The following UGGT2 variants were observed in gnomAD, a reference collection of about 807,000 sequenced individuals.
UGGT2 encodes the protein UDP-glucose glycoprotein glucosyltransferase 2.
In UGGT2, 180 loss-of-function variants were observed where a neutral mutation model predicts 192.1. The observed-to-expected ratio is 0.94, with a 90% CI of 0.83 to 1.06. The LOEUF is 1.06. UGGT2 is among the 50% of genes least tolerant of loss of function. UGGT2 has a pLI of 0.00. For missense variants in UGGT2, 1,849 were observed against 1,795.7 expected (o/e 1.03, Z -0.54); for synonymous variants, 580 against 591.0 (o/e 0.98, Z 0.27).
intron 5 of UGGT2, among the ~76,000 whole-genome samples, chr13:96,006,714 T>C (rs1379000206): frequency 2.1e-5 from 3 of 144,426 alleles, no homozygotes; most frequent in East Asian, 4.0e-4. Flanking sequence ...GAAAATGTAG[T>C]AGAGAAAGAA....
intron 38 of UGGT2, among the ~76,000 whole-genome samples, chr13:95,808,147 C>T (rs1884411472): frequency 6.6e-6 from 1 of 152,140 alleles, no homozygotes; most frequent in Non-Finnish European, 1.5e-5. Flanking sequence ...AGGCAACATA[C>T]TTCCTGATCT....
At position 96,034,731 on chromosome 13, in the gene UGGT2, G is replaced by A. The variant is rs148776352; in HGVS notation, c.159-2760C>T. On this transcript the variant is annotated intron_variant, in intron 1 of 38. Coordinates refer to ENST00000376747, the MANE Select transcript of UGGT2 (RefSeq NM_020121.4). ...GAAGCCACCTGCAGTATGCCTGGTCGAGCCACAGTCTTGTACAAAGCTGGT... is the reference window on the plus strand; with the variant it reads ...GAAGCCACCTGCAGTATGCCTGGTCAAGCCACAGTCTTGTACAAAGCTGGT... 3.2e-3 allele frequency among the ~76,000 whole-genome samples: 488 copies of A among 152,300 alleles called. 2 individuals are homozygous for A. The highest frequency in any genetic ancestry group is 0.011 in the African/African-American group (470 of 41,558).
At chr13:95,922,864 TA>T (rs2048891196) in intron 20 of UGGT2, among the ~76,000 whole-genome samples, 1 of 151,982 alleles carries the variant, frequency 6.6e-6, no homozygotes, top group African/African-American at 2.4e-5. Flanking sequence ...CAAAAAAATT[TA>T]AAAAAAGAAA....
intron 28 of UGGT2, 141 bp from the exon 29 acceptor site, chr13:95,877,505 T>C: frequency 1.0e-6 from 1 of 971,546 alleles, no homozygotes; most frequent in Non-Finnish European, 1.5e-6. Flanking sequence ...AGTAAAGAGA[T>C]TTTACAATAA....
chr13:95,832,188 G>A (rs766345209), intron 38 of UGGT2, among the ~76,000 whole-genome samples: 11 of 151,958 alleles, frequency 7.2e-5, no homozygotes, highest in Non-Finnish European at 1.5e-4. Context: ...ATTATTGAGA[G>A]TATTAGCCAA....
intron 38 of UGGT2, among the ~76,000 whole-genome samples, chr13:95,811,366 A>G (rs1884575605): frequency 6.6e-6 from 1 of 152,216 alleles, no homozygotes; most frequent in Non-Finnish European, 1.5e-5. Flanking sequence ...TAATTATGAC[A>G]CTGGACAATC....
intron 20 of UGGT2, among the ~76,000 whole-genome samples, chr13:95,919,529 C>G (rs1244711357): frequency 1.3e-5 from 2 of 152,176 alleles, no homozygotes; most frequent in African/African-American, 4.8e-5. Context: ...TCTCAGGATA[C>G]AAAATCAATG....
At chr13:95,811,479 G>A (rs1281042548) in intron 38 of UGGT2, among the ~76,000 whole-genome samples, 5 of 152,134 alleles carry the variant, frequency 3.3e-5, no homozygotes, top group South Asian at 2.1e-4. Context: ...AAATTAGGGC[G>A]TGAGCTAAAG....
intron 26 of UGGT2, 69 bp from the exon 27 acceptor site, chr13:95,884,749 A>T: frequency 2.8e-6 from 4 of 1,421,566 alleles, no homozygotes; most frequent in Non-Finnish European, 3.8e-6. Context: ...TATTTTCAAA[A>T]TTGAAAATTG....
chr13:96,006,516 T>C (rs745855348), intron 5 of UGGT2, among the ~76,000 whole-genome samples: 24 of 149,942 alleles, frequency 1.6e-4, no homozygotes, highest in Non-Finnish European at 3.2e-4. Flanking sequence ...TCCCAGCTAC[T>C]TGGGGGCTGA....
intron 17 of UGGT2, among the ~76,000 whole-genome samples, chr13:95,932,268 G>T (rs1337303589): frequency 6.6e-6 from 1 of 150,410 alleles, no homozygotes; most frequent in East Asian, 2.0e-4. Flanking sequence ...TCCTTGTAGA[G>T]ATCTTTCATC....
chr13:95,826,099 A>G (rs1886017979), intron 38 of UGGT2, among the ~76,000 whole-genome samples: 1 of 152,122 alleles, frequency 6.6e-6, no homozygotes, highest in Non-Finnish European at 1.5e-5. Context: ...GTAGTTTATA[A>G]TCTATAAGTT....
chr13:96,045,234 T>C (rs1025921820), intron 1 of UGGT2, among the ~76,000 whole-genome samples: 1 of 151,994 alleles, frequency 6.6e-6, no homozygotes. Flanking sequence ...AAAATAAATA[T>C]TACATGATCA....
At chr13:95,830,220 G>T (rs186324762) in intron 38 of UGGT2, among the ~76,000 whole-genome samples, 41 of 152,146 alleles carry the variant, frequency 2.7e-4, no homozygotes, top group Non-Finnish European at 5.0e-4. Context: ...ACAGGCATGG[G>T]CAAGGACTTC....
chr13:95,947,645 TTCA>T (rs2049921334), intron 14 of UGGT2, among the ~76,000 whole-genome samples: 1 of 151,948 alleles, frequency 6.6e-6, no homozygotes, highest in Non-Finnish European at 1.5e-5. Context: ...GAGACGGGGT[TTCA>T]TCATATTGGC....
intron 4 of UGGT2, among the ~76,000 whole-genome samples, chr13:96,017,270 G>A (rs938270136): frequency 6.6e-6 from 1 of 152,164 alleles, no homozygotes; most frequent in African/African-American, 2.4e-5. Context: ...AGAAGGACAT[G>A]AGATTTTGGG....
Position 95,983,833 on chromosome 13 carries a change from T to C in UGGT2, c.1063A>G (p.Met355Val), listed in dbSNP as rs1388126845. 2 of 1,568,748 alleles carry C rather than the reference T, an allele frequency of 1.3e-6. No individual in the cohort carries two copies. The highest frequency in any genetic ancestry group is 2.3e-5 in the East Asian group (1 of 44,332). Reference sequence around the variant, plus strand: ...TGATTTTCCTTTATTTCTTCTCTCATATGTTGATTTACAGCAATTCTGGTT... The same window carrying C: ...TGATTTTCCTTTATTTCTTCTCTCACATGTTGATTTACAGCAATTCTGGTT... ...SLTRIAVNQHMREEIKENQKD... is the reference protein window; with the variant it reads ...SLTRIAVNQHVREEIKENQKD... The change falls in exon 10 of 39, where the codon ATG (methionine) becomes GTG (valine). Residue 355 changes from methionine to valine, a missense_variant. By Grantham distance (21) the Met-to-Val change is conservative. Transcript: ENST00000376747.
chr13:95,802,424 C>G (rs185271708), intron 38 of UGGT2, among the ~76,000 whole-genome samples: 1 of 152,210 alleles, frequency 6.6e-6, no homozygotes, highest in Non-Finnish European at 1.5e-5. Flanking sequence ...GCATGCTGTT[C>G]CACAATTCAA....
At chr13:95,889,321 T>G (rs2047734773) in intron 25 of UGGT2, among the ~76,000 whole-genome samples, 1 of 152,212 alleles carries the variant, frequency 6.6e-6, no homozygotes, top group Non-Finnish European at 1.5e-5. Context: ...TGGTTTGTCC[T>G]ACTCGTTTCA....
Sources: gnomAD v4.1 joint callset for allele counts (sites outside exome capture counted in the v4.1 genomes callset) on GRCh38, gnomAD v4.1.1 for gene constraint, MANE v1.5 for transcripts, NCBI Gene and HGNC (gene_info 2026-07-23, HGNC 2026-07-21) for gene names.